The following GLRX2 variants were observed in gnomAD, a reference collection of about 807,000 sequenced individuals.
The protein encoded by GLRX2 is glutaredoxin 2.
A neutral mutation model predicts 16.4 loss-of-function variants in GLRX2; 12 were observed. That is an observed-to-expected ratio of 0.73 (90% CI 0.47 to 1.19). The LOEUF (loss-of-function observed/expected upper bound fraction) is 1.19. GLRX2 is among the 50% of genes most tolerant of loss of function. The pLI, the probability that GLRX2 is intolerant of heterozygous loss-of-function variation, is 0.00. For synonymous variants in GLRX2, 95 were observed against 76.2 expected, an observed-to-expected ratio of 1.25 and a Z score of -1.28; for missense variants, 201 against 201.8, an observed-to-expected ratio of 1.00 and a Z score of 0.02.
At chr1:193,105,434 G>A (rs924140482), upstream of GLRX2, 1 of 1,457,356 alleles carries the variant, frequency 6.9e-7, no homozygotes, top group Non-Finnish European at 9.0e-7. Context: ...CGCGGATCCC[G>A]GGAGCCCGCC....
intron 2 of GLRX2, among the ~76,000 whole-genome samples, chr1:193,098,208 C>A (rs1045485193): frequency 2.0e-5 from 3 of 152,158 alleles, no homozygotes; most frequent in African/African-American, 4.8e-5. Flanking sequence ...TAGACCCAGG[C>A]AAATCTGGCT....
intron 2 of GLRX2, 81 bp from the exon 3 acceptor site, chr1:193,097,841 G>A (rs1260499728): frequency 9.9e-7 from 1 of 1,008,780 alleles, no homozygotes; most frequent in East Asian, 2.9e-5. Context: ...GAAAGGGTAT[G>A]GATTTTGGTC....
chr1:193,096,619 T>G lies in GLRX2; in HGVS notation c.*6A>C. ...CACTGTACTAGCAAACTTATTAGTA[T>G]AAACATCACTGAAATTCTTTCCTCT... On this transcript the variant is annotated 3_prime_UTR_variant, in exon 4 of 4. Coordinates refer to ENST00000367439, the MANE Select transcript of GLRX2 (RefSeq NM_197962.3). 1 of 1,540,816 alleles carries G rather than the reference T, an allele frequency of 6.5e-7. No individual in the cohort carries two copies. Among genetic ancestry groups the G allele is most frequent in the Non-Finnish European group, 8.9e-7 (1 of 1,117,614 alleles).
At chr1:193,097,404 AAAAAT>A (rs1308506174) in intron 3 of GLRX2, among the ~76,000 whole-genome samples, 175 bp downstream of exon 3, 1 of 152,214 alleles carries the variant, frequency 6.6e-6, no homozygotes, top group Non-Finnish European at 1.5e-5. Context: ...CACACAGAAT[AAAAAT>A]AAAATAAATC....
At chr1:193,097,004 T>A (rs1188622019) in intron 3 of GLRX2, among the ~76,000 whole-genome samples, 1 of 152,218 alleles carries the variant, frequency 6.6e-6, no homozygotes, top group Non-Finnish European at 1.5e-5. Context: ...CAGACTGGGA[T>A]TCAAATCCAA....
chr1:193,097,292 G>A (rs2103097321), intron 3 of GLRX2, among the ~76,000 whole-genome samples: 1 of 152,314 alleles, frequency 6.6e-6, no homozygotes, highest in African/African-American at 2.4e-5. Context: ...CAGGTAAAGG[G>A]AGGAAGAATA....
intron 1 of GLRX2, among the ~76,000 whole-genome samples, chr1:193,104,419 A>C (rs1233338748): frequency 6.6e-6 from 1 of 152,214 alleles, no homozygotes; most frequent in Non-Finnish European, 1.5e-5. Context: ...GCGGGGCCTC[A>C]AAGAGCTGTC....
intron 2 of GLRX2, among the ~76,000 whole-genome samples, chr1:193,100,137 C>T (rs1450426419): frequency 2.0e-5 from 3 of 152,132 alleles, no homozygotes; most frequent in Non-Finnish European, 4.4e-5. Context: ...TTCTCAAGCT[C>T]GCCCTTAACT....
intron 1 of GLRX2, among the ~76,000 whole-genome samples, chr1:193,102,235 C>T (rs1453480238): frequency 6.6e-6 from 1 of 152,086 alleles, no homozygotes; most frequent in Non-Finnish European, 1.5e-5. Context: ...TGTATTCATT[C>T]ATTGGGGGTG....
At chr1:193,105,509 C>T (rs1278845064), upstream of GLRX2, 1 of 1,530,210 alleles carries the variant, frequency 6.5e-7, no homozygotes, top group Non-Finnish European at 8.8e-7. Context: ...CGCGCCGCCG[C>T]CGGTCACCTC....
At chr1:193,103,736 T>C (rs1675125621) in intron 1 of GLRX2, among the ~76,000 whole-genome samples, 1 of 152,172 alleles carries the variant, frequency 6.6e-6, no homozygotes, top group Non-Finnish European at 1.5e-5. Context: ...TTAAACATTA[T>C]AACATTATAA....
At chr1:193,104,693 C>T (rs1011613477) in intron 1 of GLRX2, among the ~76,000 whole-genome samples, 2 of 152,252 alleles carry the variant, frequency 1.3e-5, no homozygotes, top group African/African-American at 4.8e-5. Flanking sequence ...ATATTCCAAA[C>T]GAGGAAGTGT....
At chr1:193,101,233 T>G (rs1379195570) in intron 1 of GLRX2, 29 bp from the exon 2 acceptor site, 1 of 1,347,618 alleles carries the variant, frequency 7.4e-7, no homozygotes, top group East Asian at 2.3e-5. Context: ...AACAATGTAG[T>G]TTATTAAGCA....
In GLRX2 at chr1:193,101,152, T is replaced by C. The variant is rs113145293; in HGVS notation, c.172A>G (p.Asn58Asp). Residue 58 changes from asparagine to aspartate, a missense_variant, in exon 2 of 4, where the codon AAC becomes GAC. Physicochemically the swap from Asn to Asp is conservative, Grantham distance 23 (BLOSUM62 1). Coordinates refer to ENST00000367439, the MANE Select transcript of GLRX2 (RefSeq NM_197962.3). Reference sequence around the variant, plus strand: ...CCCACATCACTCACTTGGATCTGGTTCACAGGCGCCGTCGCTAAATTCTCC... The same window carrying C: ...CCCACATCACTCACTTGGATCTGGTCCACAGGCGCCGTCGCTAAATTCTCC... ...SLENLATAPV[N>D]QIQETISDNC... 6.2e-7 allele frequency: 1 copy of C among 1,610,550 alleles called. No individual in the cohort carries two copies. The highest frequency in any genetic ancestry group is 8.5e-7 in the Non-Finnish European group (1 of 1,176,822).
upstream of GLRX2, chr1:193,105,488 T>G (rs1479026904): frequency 8.2e-7 from 1 of 1,214,682 alleles, no homozygotes; most frequent in Non-Finnish European, 1.1e-6. Flanking sequence ...GTCCCGCCCC[T>G]CCGGACTGCC....
Position 193,097,627 on chromosome 1 carries a change from T to C in GLRX2, c.317A>G (p.Asn106Ser). Residue 106 changes from asparagine (N) to serine (S), a missense_variant, in exon 3 of 4, where the codon AAC (asparagine) becomes AGC (serine). Physicochemically the swap from Asn to Ser is conservative, Grantham distance 46. Transcript: ENST00000367439. ...VVELDLLEYGNQFQDALYKMT... is the reference protein window; with the variant it reads ...VVELDLLEYGSQFQDALYKMT... ...TTTGTAAAGAGCATCTTGGAACTGG[T>C]TTCCATATTCAAGCAGGTCCAGTTC... The C allele has an allele frequency of 6.2e-7, 1 of 1,610,276 alleles. No homozygotes were observed. The highest frequency in any genetic ancestry group is 1.1e-5 in the South Asian group (1 of 90,156).
intron 3 of GLRX2, 28 bp downstream of exon 3, chr1:193,097,556 G>C: frequency 6.5e-7 from 1 of 1,533,624 alleles, no homozygotes; most frequent in South Asian, 1.3e-5. Flanking sequence ...CTATTAAAGA[G>C]GAACAGCACC....
Position 193,096,775 on chromosome 1 carries a change from A to C in GLRX2, c.361-16T>G. ...TTCTTGGAACCTGTTGGACAAACAA[A>C]AGAAGAATTAGGCTTTACTCTAGTA... On this transcript the variant is annotated splice_polypyrimidine_tract_variant and intron_variant, in intron 3 of 3. Transcript: ENST00000367439. 4 of 1,592,648 alleles carry C rather than the reference A, an allele frequency of 2.5e-6. No homozygotes were observed. The highest frequency in any genetic ancestry group is 3.4e-6 in the Non-Finnish European group (4 of 1,168,980).
upstream of GLRX2, chr1:193,105,988 C>CA (rs3079948): frequency 0.076 from 61,619 of 810,558 alleles, 13 homozygotes; most frequent in Non-Finnish European, 0.084. Context: ...CACCACCTGC[C>CA]AAAAAAAAAA....
Sources: gnomAD v4.1 joint callset for allele counts (sites outside exome capture counted in the v4.1 genomes callset) on GRCh38, gnomAD v4.1.1 for gene constraint, MANE v1.5 for transcripts, NCBI Gene and HGNC (gene_info 2026-07-23, HGNC 2026-07-21) for gene names.